The following PKNOX2 variants were observed in gnomAD, a reference collection of about 807,000 sequenced individuals.
The protein encoded by PKNOX2 is homeobox protein PKNOX2.
PKNOX2 carries 14 observed loss-of-function variants against 53.1 expected under a neutral mutation model. That is an observed-to-expected ratio of 0.26 (90% CI 0.17 to 0.41). The LOEUF (loss-of-function observed/expected upper bound fraction) is 0.41. Among genes scored for constraint, PKNOX2 ranks in the 10% least tolerant of loss-of-function variants. The pLI, the probability that PKNOX2 is intolerant of heterozygous loss-of-function variation, is 1.00. For missense variants in PKNOX2, 496 were observed against 602.8 expected (o/e 0.82, Z 1.85); for synonymous variants, 257 against 242.8 (o/e 1.06, Z -0.54).
At chr11:125,349,742 T>G (rs1762972295) in intron 3 of PKNOX2, among the ~76,000 whole-genome samples, 1 of 152,094 alleles carries the variant, frequency 6.6e-6, no homozygotes, top group South Asian at 2.1e-4. Flanking sequence ...TTTCCAGTGC[T>G]TTTTGCAGAA....
intron 3 of PKNOX2, among the ~76,000 whole-genome samples, chr11:125,334,838 A>C (rs75202483): frequency 0.054 from 8,133 of 151,968 alleles, 306 homozygotes; most frequent in Middle Eastern, 0.078. Flanking sequence ...TCCTGAGTCC[A>C]AGTAATCTGC....
chr11:125,230,150 G>T (rs912263705), intron 1 of PKNOX2, among the ~76,000 whole-genome samples: 4 of 152,244 alleles, frequency 2.6e-5, no homozygotes, highest in Non-Finnish European at 5.9e-5. Context: ...GGCACAGGGG[G>T]CTGAGGACTA....
chr11:125,223,389 C>G (rs1174553970), intron 1 of PKNOX2, among the ~76,000 whole-genome samples: 1 of 152,166 alleles, frequency 6.6e-6, no homozygotes, highest in African/African-American at 2.4e-5. Flanking sequence ...GCCACCATGC[C>G]CAGCTAACTT....
At chr11:125,419,535 A>G (rs528098309) in intron 10 of PKNOX2, among the ~76,000 whole-genome samples, 1 of 151,892 alleles carries the variant, frequency 6.6e-6, no homozygotes, top group East Asian at 1.9e-4. Flanking sequence ...CTTTTCCTTT[A>G]ACTTCCTCAT....
At chr11:125,314,470 C>T (rs7935380) in intron 2 of PKNOX2, among the ~76,000 whole-genome samples, 24,741 of 152,090 alleles carry the variant, frequency 0.16, 3,169 homozygotes, top group African/African-American at 0.35. Context: ...GCAGTTTCTC[C>T]TCCTGGGAGC....
intron 4 of PKNOX2, among the ~76,000 whole-genome samples, chr11:125,356,387 G>T (rs1394717420): frequency 6.6e-6 from 1 of 152,226 alleles, no homozygotes; most frequent in African/African-American, 2.4e-5. Context: ...CAAGGATGCA[G>T]CCTCATTTTT....
intron 10 of PKNOX2, among the ~76,000 whole-genome samples, chr11:125,425,857 C>G (rs547317801): frequency 5.9e-5 from 9 of 152,190 alleles, no homozygotes; most frequent in Admixed American, 1.3e-4. Flanking sequence ...ACACCTGTCC[C>G]CAGAGCTGCT....
intron 6 of PKNOX2, among the ~76,000 whole-genome samples, chr11:125,389,026 C>G (rs1431760284): frequency 6.6e-6 from 1 of 152,176 alleles, no homozygotes; most frequent in Non-Finnish European, 1.5e-5. Context: ...GAAACCTCGT[C>G]TCTACTAAAG....
chr11:125,379,677 G>A (rs1320094232), intron 5 of PKNOX2, among the ~76,000 whole-genome samples: 2 of 152,038 alleles, frequency 1.3e-5, no homozygotes, highest in African/African-American at 4.8e-5. Flanking sequence ...CTCTGCACAG[G>A]GCTGCAGCCA....
At chr11:125,373,601 T>C (rs1234245209) in intron 5 of PKNOX2, among the ~76,000 whole-genome samples, 1 of 152,210 alleles carries the variant, frequency 6.6e-6, no homozygotes, top group Non-Finnish European at 1.5e-5. Context: ...TGTATTGGTG[T>C]CAGGCAGGAG....
intron 3 of PKNOX2, among the ~76,000 whole-genome samples, chr11:125,338,861 G>A (rs180760663): frequency 1.7e-3 from 263 of 152,252 alleles, no homozygotes; most frequent in Middle Eastern, 0.017. Flanking sequence ...CTTGAACATC[G>A]AGACTACAAG....
chr11:125,372,174 C>CAA (rs1296128492), intron 5 of PKNOX2, among the ~76,000 whole-genome samples: 1 of 152,166 alleles, frequency 6.6e-6, no homozygotes, highest in African/African-American at 2.4e-5. Context: ...GATGTGCCGG[C>CAA]AAACGTCTCT....
chr11:125,245,965 T>C (rs1943531492), intron 2 of PKNOX2, among the ~76,000 whole-genome samples: 1 of 152,014 alleles, frequency 6.6e-6, no homozygotes, highest in African/African-American at 2.4e-5. Flanking sequence ...TAAAATAAGA[T>C]TGGAGCGAGA....
intron 10 of PKNOX2, among the ~76,000 whole-genome samples, chr11:125,425,828 C>G (rs1016352662): frequency 2.0e-5 from 3 of 152,208 alleles, no homozygotes; most frequent in African/African-American, 7.2e-5. Context: ...GATGTGGTGC[C>G]AGGAATGTTC....
intron 3 of PKNOX2, among the ~76,000 whole-genome samples, chr11:125,337,319 C>T (rs946070335): frequency 3.3e-5 from 5 of 152,166 alleles, no homozygotes; most frequent in Non-Finnish European, 5.9e-5. Flanking sequence ...CAGTGTTCTC[C>T]GCCTCTTCGG....
At chr11:125,299,120 G>A (rs1267463480) in intron 2 of PKNOX2, among the ~76,000 whole-genome samples, 1 of 152,156 alleles carries the variant, frequency 6.6e-6, no homozygotes, top group Admixed American at 6.5e-5. Flanking sequence ...CCTGGCAAGA[G>A]CAGGAGCAAG....
chr11:125,386,966 T>C (rs959154319), intron 6 of PKNOX2, among the ~76,000 whole-genome samples: 15 of 152,170 alleles, frequency 9.9e-5, no homozygotes, highest in African/African-American at 3.4e-4. Context: ...GCTCGCTTGC[T>C]GTCGGGAGGG....
intron 7 of PKNOX2, among the ~76,000 whole-genome samples, chr11:125,408,152 C>T (rs997963949): frequency 3.9e-5 from 6 of 152,210 alleles, no homozygotes; most frequent in Non-Finnish European, 8.8e-5. Flanking sequence ...TGGCTGCTAA[C>T]GGGCTGTGTG....
intron 1 of PKNOX2, among the ~76,000 whole-genome samples, chr11:125,171,096 A>T (rs1471890068): frequency 6.6e-6 from 1 of 152,166 alleles, no homozygotes; most frequent in Admixed American, 6.5e-5. Context: ...TTTTGTGTTC[A>T]ATTTACATCT....
Sources: allele counts gnomAD v4.1 joint callset (sites outside exome capture counted in the v4.1 genomes callset), GRCh38; gene constraint gnomAD v4.1.1; transcripts MANE v1.5; gene names NCBI Gene and HGNC (gene_info 2026-07-23, HGNC 2026-07-21).